ASB3: variants seen among roughly 807,000 people sequenced by gnomAD.
ASB3 encodes the protein ankyrin repeat and SOCS box containing 3, also known as ankyrin repeat and SOCS box protein 3.
In ASB3, 41 loss-of-function variants were observed where a neutral mutation model predicts 54.5. The ratio of observed to expected loss-of-function variants is 0.75; its 90% CI spans 0.59 to 0.98. The LOEUF is 0.98. Ranked by LOEUF, ASB3 falls within the 50% of genes least tolerant of loss-of-function variation. The pLI is 0.00. For missense variants in ASB3, 733 were observed against 620.0 expected (o/e 1.18, Z -1.94); for synonymous variants, 266 against 221.2 (o/e 1.20, Z -1.80).
intron 5 of ASB3, among the ~76,000 whole-genome samples, chr2:53,719,520 T>C (rs1275702003): frequency 6.6e-6 from 1 of 152,074 alleles, no homozygotes; most frequent in Non-Finnish European, 1.5e-5. Context: ...TGCCCTGCTC[T>C]GGCTGGGAAG....
At chr2:53,696,275 T>C (rs1669176376) in intron 8 of ASB3, among the ~76,000 whole-genome samples, 2 of 152,228 alleles carry the variant, frequency 1.3e-5, no homozygotes, top group South Asian at 2.1e-4. Flanking sequence ...TACTTCAAAA[T>C]AGTTTCTACT....
At chr2:53,782,647 A>C (rs1417505927) in intron 1 of ASB3, among the ~76,000 whole-genome samples, 1 of 152,158 alleles carries the variant, frequency 6.6e-6, no homozygotes, top group African/African-American at 2.4e-5. Context: ...GAGCATCTTC[A>C]TGTTCCATAA....
At chr2:53,786,172 G>C (rs989551776) in intron 1 of ASB3, 1 of 152,118 alleles carries the variant, frequency 6.6e-6, no homozygotes, top group African/African-American at 2.4e-5. Context: ...TTTTTCTAAA[G>C]AGGGGGAGGG....
At chr2:53,690,296 A>G (rs1340538693) in intron 9 of ASB3, among the ~76,000 whole-genome samples, 1 of 152,148 alleles carries the variant, frequency 6.6e-6, no homozygotes, top group Non-Finnish European at 1.5e-5. Flanking sequence ...GTTGAGACAT[A>G]CAATATTTAG....
chr2:53,674,164 C>A (rs1289305031), intron 9 of ASB3, among the ~76,000 whole-genome samples: 2 of 152,132 alleles, frequency 1.3e-5, no homozygotes, highest in Non-Finnish European at 2.9e-5. Flanking sequence ...AACATACTTT[C>A]ATGAAAACCT....
At chr2:53,731,408 A>AAAAAC (rs113452828) in intron 3 of ASB3, among the ~76,000 whole-genome samples, 25,820 of 151,504 alleles carry the variant, frequency 0.17, 2,390 homozygotes, top group African/African-American at 0.25. Flanking sequence ...CTCCATCTCA[A>AAAAAC]AAAACAAAAC....
At chr2:53,686,335 T>G (rs1176278178) in intron 9 of ASB3, among the ~76,000 whole-genome samples, 3 of 152,182 alleles carry the variant, frequency 2.0e-5, no homozygotes, top group Non-Finnish European at 2.9e-5. Context: ...CCAAGGACCA[T>G]GAACTCTGCA....
At chr2:53,747,727 C>T (rs556519984) in intron 3 of ASB3, among the ~76,000 whole-genome samples, 4 of 152,242 alleles carry the variant, frequency 2.6e-5, no homozygotes, top group African/African-American at 7.2e-5. Flanking sequence ...CTTAATGGAA[C>T]ACTCTTTCTA....
chr2:53,719,379 C>G (rs1670574006), intron 5 of ASB3, among the ~76,000 whole-genome samples: 1 of 152,178 alleles, frequency 6.6e-6, no homozygotes, highest in Non-Finnish European at 1.5e-5. Context: ...TTTTCCAATT[C>G]ACCTTAATCA....
At chr2:53,701,059 G>T (rs971790554) in intron 7 of ASB3, among the ~76,000 whole-genome samples, 1 of 152,080 alleles carries the variant, frequency 6.6e-6, no homozygotes, top group African/African-American at 2.4e-5. Context: ...CACTGTAACT[G>T]AACTCCTGGG....
intron 1 of ASB3, among the ~76,000 whole-genome samples, chr2:53,770,153 A>T (rs549308338): frequency 1.3e-5 from 2 of 152,340 alleles, no homozygotes; most frequent in African/African-American, 4.8e-5. Context: ...AAAACAAGTC[A>T]GAAATCTAAA....
At chr2:53,690,401 G>A in intron 9 of ASB3, among the ~76,000 whole-genome samples, 1 of 152,144 alleles carries the variant, frequency 6.6e-6, no homozygotes. Context: ...CTAGGTACCT[G>A]AACCACACTG....
At chr2:53,768,106 C>T (rs1673621441) in intron 1 of ASB3, 2 of 1,502,312 alleles carry the variant, frequency 1.3e-6, no homozygotes, top group Middle Eastern at 2.0e-4. Flanking sequence ...CCCTAGAGAA[C>T]CACACCTTAG....
At chr2:53,723,015 TA>T (rs1670792756) in intron 5 of ASB3, among the ~76,000 whole-genome samples, 2 of 152,044 alleles carry the variant, frequency 1.3e-5, no homozygotes, top group Admixed American at 1.3e-4. Flanking sequence ...AATCAATGTA[TA>T]AAATCAGCAG....
chr2:53,723,713 A>G (rs1670838966), intron 5 of ASB3, among the ~76,000 whole-genome samples: 1 of 152,252 alleles, frequency 6.6e-6, no homozygotes, highest in African/African-American at 2.4e-5. Flanking sequence ...CCAAAACAGC[A>G]TGGTCCTGGT....
At chr2:53,731,079 C>G (rs115219971) in intron 3 of ASB3, among the ~76,000 whole-genome samples, 1 of 152,118 alleles carries the variant, frequency 6.6e-6, no homozygotes, top group African/African-American at 2.4e-5. Context: ...AAGCTTATTT[C>G]CCCTATAAGA....
intron 6 of ASB3, among the ~76,000 whole-genome samples, chr2:53,714,794 C>A (rs1670295407): frequency 6.6e-6 from 1 of 152,040 alleles, no homozygotes; most frequent in Non-Finnish European, 1.5e-5. Flanking sequence ...ATAAAAAGGT[C>A]TTTAAATACA....
intron 5 of ASB3, among the ~76,000 whole-genome samples, chr2:53,722,245 A>T (rs72793670): frequency 6.6e-6 from 1 of 152,112 alleles, no homozygotes; most frequent in Non-Finnish European, 1.5e-5. Context: ...TCTACCAGAC[A>T]TACAAAGAAA....
intron 3 of ASB3, among the ~76,000 whole-genome samples, chr2:53,740,091 G>T (rs2103960130): frequency 6.6e-6 from 1 of 152,268 alleles, no homozygotes; most frequent in Admixed American, 6.5e-5. Context: ...ATAGCAGCAG[G>T]CTGGCTGGCT....
Sources: allele counts gnomAD v4.1 joint callset (sites outside exome capture counted in the v4.1 genomes callset), GRCh38; gene constraint gnomAD v4.1.1; transcripts MANE v1.5; gene names NCBI Gene and HGNC (gene_info 2026-07-23, HGNC 2026-07-21).